Variants in KPNA4 observed in about 807,000 individuals in gnomAD.
KPNA4 encodes the protein importin subunit alpha-3.
Under a neutral mutation model 71.3 loss-of-function variants are expected in KPNA4, and 13 were observed. That is an observed-to-expected ratio of 0.18 (90% CI 0.12 to 0.29). The LOEUF (loss-of-function observed/expected upper bound fraction) is 0.29, where lower values mean the gene tolerates loss of function less well. KPNA4 is among the 10% of genes least tolerant of loss of function. The pLI, the probability that KPNA4 is intolerant of heterozygous loss-of-function variation, is 1.00. For missense variants in KPNA4, 334 were observed against 603.2 expected, an observed-to-expected ratio of 0.55 and a Z score of 4.67; for synonymous variants, 189 against 195.2, an observed-to-expected ratio of 0.97 and a Z score of 0.26.
chr3:160,543,635 T>C (rs1183352460), intron 1 of KPNA4, among the ~76,000 whole-genome samples: 1 of 152,024 alleles, frequency 6.6e-6, no homozygotes, highest in African/African-American at 2.4e-5. Context: ...ACCCAGCCAA[T>C]TTTTTCAACT....
intron 13 of KPNA4, among the ~76,000 whole-genome samples, chr3:160,511,592 G>C (rs1185184436): frequency 6.6e-6 from 1 of 151,870 alleles, no homozygotes; most frequent in Non-Finnish European, 1.5e-5. Flanking sequence ...TAGTGCTATG[G>C]GACTGACATT....
At chr3:160,554,674 A>T (rs1179134908) in intron 1 of KPNA4, among the ~76,000 whole-genome samples, 1 of 152,110 alleles carries the variant, frequency 6.6e-6, no homozygotes, top group Non-Finnish European at 1.5e-5. Flanking sequence ...GGGAGGGAAA[A>T]GGGGCTGAAG....
intron 5 of KPNA4, among the ~76,000 whole-genome samples, chr3:160,532,290 A>G (rs1721591670): frequency 6.6e-6 from 1 of 152,274 alleles, no homozygotes; most frequent in Non-Finnish European, 1.5e-5. Flanking sequence ...CAAAATATCC[A>G]AAATTATTCA....
At chr3:160,524,330 G>A (rs1055644528) in intron 10 of KPNA4, among the ~76,000 whole-genome samples, 11 of 151,776 alleles carry the variant, frequency 7.2e-5, no homozygotes, top group Non-Finnish European at 1.5e-4. Context: ...CTTGCCAATC[G>A]TTTTATTTAT....
chr3:160,525,759 T>C (rs758629599), intron 10 of KPNA4, 41 bp downstream of exon 10: 2 of 1,330,440 alleles, frequency 1.5e-6, no homozygotes, highest in South Asian at 1.7e-5. Flanking sequence ...TAGAAATACA[T>C]ACATACATAC....
intron 16 of KPNA4, among the ~76,000 whole-genome samples, chr3:160,503,437 A>G (rs1354135396): frequency 6.6e-6 from 1 of 152,184 alleles, no homozygotes; most frequent in Non-Finnish European, 1.5e-5. Flanking sequence ...AAATATTCTA[A>G]AATTCAAAAA....
intron 5 of KPNA4, among the ~76,000 whole-genome samples, chr3:160,532,787 C>A (rs1273417893): frequency 6.6e-6 from 1 of 152,202 alleles, no homozygotes; most frequent in Non-Finnish European, 1.5e-5. Context: ...AACTACTTCA[C>A]AAGTTGGCTC....
rs558035673 is a variant in KPNA4 at position 160,521,764 on chromosome 3, T to C, written c.903+15A>G. ...TGGTAAGAAATACTTATAATTTAACTAAGAACAAACTTACCTGAACTTTAA... is the reference window on the plus strand; with the variant it reads ...TGGTAAGAAATACTTATAATTTAACCAAGAACAAACTTACCTGAACTTTAA... On this transcript the variant is annotated intron_variant, in intron 11 of 16. Coordinates refer to ENST00000334256, the MANE Select transcript of KPNA4 (RefSeq NM_002268.5). The C allele has an allele frequency of 1.4e-5, 22 of 1,607,446 alleles. No homozygotes were observed. The South Asian group carries it at 1.9e-4, about 14-fold the overall frequency.
intron 10 of KPNA4, among the ~76,000 whole-genome samples, chr3:160,524,147 C>A (rs563243305): frequency 6.6e-6 from 1 of 152,148 alleles, no homozygotes; most frequent in Admixed American, 6.5e-5. Flanking sequence ...CTAAAAAGAA[C>A]AATGTAAACA....
At chr3:160,502,991 A>G (rs559427708) in intron 16 of KPNA4, among the ~76,000 whole-genome samples, 12 of 152,108 alleles carry the variant, frequency 7.9e-5, no homozygotes, top group Non-Finnish European at 1.3e-4. Context: ...TGCGCCTATA[A>G]TCCCAGCTAC....
intron 10 of KPNA4, among the ~76,000 whole-genome samples, chr3:160,524,202 G>C (rs756004172): frequency 1.3e-5 from 2 of 152,152 alleles, no homozygotes; most frequent in Non-Finnish European, 2.9e-5. Context: ...AGAAAATGGA[G>C]TCACAGTCTC....
chr3:160,534,849 A>C (rs2108553486), intron 5 of KPNA4, among the ~76,000 whole-genome samples: 1 of 151,056 alleles, frequency 6.6e-6, no homozygotes, highest in East Asian at 2.0e-4. Flanking sequence ...TCAGCCTCCC[A>C]AGTAGCTGGA....
chr3:160,559,561 A>T (rs1722203576), intron 1 of KPNA4, among the ~76,000 whole-genome samples: 2 of 152,190 alleles, frequency 1.3e-5, no homozygotes, highest in Admixed American at 1.3e-4. Context: ...ATAGATTTTA[A>T]TGTAACAGTG....
chr3:160,557,013 A>G (rs1722150012), intron 1 of KPNA4, among the ~76,000 whole-genome samples: 1 of 152,190 alleles, frequency 6.6e-6, no homozygotes, highest in Admixed American at 6.5e-5. Context: ...ATGAGGTCTC[A>G]CTATACTGCC....
At position 160,499,310 on chromosome 3, in the gene KPNA4, T is replaced by C. The variant is rs1720832273; in HGVS notation, c.*2794A>G. 6.6e-6 allele frequency: 1 copy of C among 152,168 alleles called. No individual in the cohort carries two copies. The highest frequency in any genetic ancestry group is 6.5e-5 in the Admixed American group (1 of 15,286). The allele number at this position is 152,168 out of a possible 1,614,324, so 9.4% of individuals were successfully genotyped here. Reference sequence around the variant, plus strand: ...ACTAGGGCGTCTCACACACCCCTAATATAACATTCTTATTTTTACAGCACT... The same window carrying C: ...ACTAGGGCGTCTCACACACCCCTAACATAACATTCTTATTTTTACAGCACT... On this transcript the variant is annotated 3_prime_UTR_variant, in exon 17 of 17. Coordinates refer to ENST00000334256, the MANE Select transcript of KPNA4 (RefSeq NM_002268.5).
Position 160,565,277 on chromosome 3 carries a change from C to A in KPNA4, c.6G>T (p.Ala2=). 1 of 1,603,230 alleles carries A rather than the reference C, an allele frequency of 6.2e-7. No homozygotes were observed. The highest frequency in any genetic ancestry group is 8.5e-7 in the Non-Finnish European group (1 of 1,175,084). M[A]DNEKLDNQRL... Reference sequence around the variant, plus strand: ...GTTGGTTGTCCAGTTTCTCGTTGTCCGCCATGGCCGGGCCGGTGACTCCTT... The same window carrying A: ...GTTGGTTGTCCAGTTTCTCGTTGTCAGCCATGGCCGGGCCGGTGACTCCTT... Residue 2 remains alanine, a synonymous_variant, in exon 1 of 17, where the codon GCG becomes GCT. Coordinates refer to ENST00000334256, the MANE Select transcript of KPNA4 (RefSeq NM_002268.5).
At chr3:160,518,019 C>T (rs1459028644) in intron 11 of KPNA4, among the ~76,000 whole-genome samples, 1 of 152,004 alleles carries the variant, frequency 6.6e-6, no homozygotes, top group Non-Finnish European at 1.5e-5. Flanking sequence ...TGTGGTGTCA[C>T]ATCTTAGAAA....
intron 1 of KPNA4, among the ~76,000 whole-genome samples, chr3:160,542,325 A>G (rs886336332): frequency 6.6e-6 from 1 of 152,248 alleles, no homozygotes; most frequent in Non-Finnish European, 1.5e-5. Context: ...CTAAAACAGC[A>G]TAACTAGAAA....
intron 14 of KPNA4, among the ~76,000 whole-genome samples, chr3:160,509,173 C>T (rs1197819372): frequency 6.6e-6 from 1 of 152,206 alleles, no homozygotes; most frequent in East Asian, 1.9e-4. Flanking sequence ...ACCCGCACGA[C>T]CTGAGAGTGG....
Sources: gnomAD v4.1 joint callset for allele counts (sites outside exome capture counted in the v4.1 genomes callset) on GRCh38, gnomAD v4.1.1 for gene constraint, MANE v1.5 for transcripts, NCBI Gene and HGNC (gene_info 2026-07-23, HGNC 2026-07-21) for gene names.